TRIO: variants seen among roughly 807,000 people sequenced by gnomAD.
TRIO encodes trio Rho guanine nucleotide exchange factor.
TRIO carries 58 observed loss-of-function variants against 351.9 expected under a neutral mutation model. The observed-to-expected ratio is 0.16, with a 90% CI of 0.13 to 0.21. The LOEUF (loss-of-function observed/expected upper bound fraction) is 0.21. TRIO is among the 10% of genes least tolerant of loss of function. The pLI, the probability that TRIO is intolerant of heterozygous loss-of-function variation, is 1.00. For missense variants in TRIO, 3,201 were observed against 4,027.8 expected, an observed-to-expected ratio of 0.79 and a Z score of 5.56; for synonymous variants, 1,758 against 1,595.7, an observed-to-expected ratio of 1.10 and a Z score of -2.42.
intron 36 of TRIO, 72 bp downstream of exon 36, chr5:14,462,997 C>T (rs1753948470): frequency 2.1e-6 from 3 of 1,462,716 alleles, no homozygotes; most frequent in South Asian, 1.4e-5. Flanking sequence ...AGCTGCTTCA[C>T]ACCAGCCTCA....
chr5:14,497,402 A>G lies in TRIO; in HGVS notation c.8019+385A>G, dbSNP rs893155512. 6.6e-6 allele frequency among the ~76,000 whole-genome samples: 1 copy of G among 152,180 alleles called. No homozygotes were observed. The highest frequency in any genetic ancestry group is 1.5e-5 in the Non-Finnish European group (1 of 68,030). On this transcript the variant is annotated intron_variant, in intron 50 of 56. Transcript: ENST00000344204. This position sits in a 1 kb window ranked among gnomAD's most constrained non-coding sequence, Gnocchi z 4.4. ...GGGAAGTGGCTAGATGTGGGGGTGC[A>G]TATGGGCTCTCTGGCTGTGACAGAT... is the stretch of plus-strand genomic sequence containing the variant.
intron 11 of TRIO, among the ~76,000 whole-genome samples, chr5:14,355,044 T>C (rs538313609): frequency 1.3e-5 from 2 of 152,126 alleles, no homozygotes; most frequent in Non-Finnish European, 2.9e-5. Flanking sequence ...AGTTGGAAGG[T>C]GGGAGGCTGC....
intron 8 of TRIO, among the ~76,000 whole-genome samples, chr5:14,308,231 A>T (rs2152298736): frequency 6.6e-6 from 1 of 152,162 alleles, no homozygotes; most frequent in South Asian, 2.1e-4. Flanking sequence ...CCATTCACCC[A>T]TCCATCCGTC....
At chr5:14,310,742 G>A (rs941381559) in intron 8 of TRIO, among the ~76,000 whole-genome samples, 11 of 152,252 alleles carry the variant, frequency 7.2e-5, no homozygotes, top group Non-Finnish European at 1.6e-4. Context: ...CTGGAATGCA[G>A]TGGTGCGATT....
chr5:14,359,038 G>T (rs563389319), intron 12 of TRIO, among the ~76,000 whole-genome samples: 124 of 152,244 alleles, frequency 8.1e-4, no homozygotes, highest in African/African-American at 2.9e-3. Context: ...TACTAACCAG[G>T]TATCATCCAT....
intron 11 of TRIO, among the ~76,000 whole-genome samples, chr5:14,337,176 CGAATAAT>C (rs1561358317): frequency 5.9e-5 from 9 of 152,046 alleles, no homozygotes; most frequent in African/African-American, 1.9e-4. Context: ...CAACCTGGTA[CGAATAAT>C]ATTAAAGCTA....
chr5:14,369,829 A>G (rs1455414576), intron 18 of TRIO, among the ~76,000 whole-genome samples: 1 of 152,208 alleles, frequency 6.6e-6, no homozygotes. Context: ...GTGATTGATT[A>G]ATTTGGTGAA....
intron 29 of TRIO, among the ~76,000 whole-genome samples, chr5:14,398,469 C>G (rs76333977): frequency 0.012 from 1,790 of 152,112 alleles, 42 homozygotes; most frequent in African/African-American, 0.041. Flanking sequence ...CAGAGAGAAT[C>G]AAGACGGAGG....
In TRIO at chr5:14,205,795, C is replaced by T. The variant is rs1046148705; in HGVS notation, c.157+61913C>T. Among the ~76,000 whole-genome samples, 5 of 152,182 alleles carry T rather than the reference C, an allele frequency of 3.3e-5. 1 individual carries two copies. The highest frequency in any genetic ancestry group is 9.7e-5 in the African/African-American group (4 of 41,446). ...TCACCCGGGCTGGAGTGCAGTGGCA[C>T]GCTCTCTGCTCACTACAACTTCTGC... On this transcript the variant is annotated intron_variant, in intron 1 of 56. Transcript: ENST00000344204.
intron 41 of TRIO, among the ~76,000 whole-genome samples, chr5:14,478,414 C>T (rs1449097402): frequency 2.0e-5 from 3 of 152,176 alleles, no homozygotes; most frequent in Admixed American, 1.3e-4. Context: ...CAACTGACAT[C>T]TTAGTGGTAT....
chr5:14,157,253 C>T (rs1053962721), intron 1 of TRIO, among the ~76,000 whole-genome samples: 2 of 152,206 alleles, frequency 1.3e-5, no homozygotes, highest in Admixed American at 6.5e-5. Context: ...TTCAAAGCAG[C>T]TATGTTTCTG....
At chr5:14,392,908 C>T (rs560390336) in intron 27 of TRIO, among the ~76,000 whole-genome samples, 4 of 152,046 alleles carry the variant, frequency 2.6e-5, no homozygotes, top group East Asian at 3.9e-4. Flanking sequence ...ATTAGCCGAG[C>T]GTGGTGGCGG....
intron 41 of TRIO, among the ~76,000 whole-genome samples, chr5:14,478,471 G>A (rs145028491): frequency 3.3e-5 from 5 of 152,206 alleles, no homozygotes; most frequent in African/African-American, 9.6e-5. Context: ...GGACTCAGGG[G>A]GCCCTGGGGG....
chr5:14,491,051 C>A (rs1756446689), intron 48 of TRIO, among the ~76,000 whole-genome samples: 1 of 151,730 alleles, frequency 6.6e-6, no homozygotes, highest in Non-Finnish European at 1.5e-5. Flanking sequence ...ACGGCAGAGA[C>A]AAAGAACAGG....
chr5:14,507,039 T>A (rs1757737552), intron 55 of TRIO, 83 bp from the exon 56 acceptor site: 1 of 1,469,786 alleles, frequency 6.8e-7, no homozygotes, highest in South Asian at 1.5e-5. Context: ...AGGTGACAGG[T>A]CCGACATGTT....
At chr5:14,358,399 A>G in intron 12 of TRIO, 52 bp downstream of exon 12, 3 of 1,592,188 alleles carry the variant, frequency 1.9e-6, no homozygotes, top group South Asian at 1.1e-5. Context: ...CCTGCCTGTG[A>G]CTCCCCTTCC....
chr5:14,291,711 C>T (rs535533789), intron 5 of TRIO, among the ~76,000 whole-genome samples: 2 of 146,684 alleles, frequency 1.4e-5, no homozygotes, highest in African/African-American at 5.1e-5. Context: ...ATCGCTTGAA[C>T]CCATGAGGCA....
chr5:14,163,390 T>C (rs1483590659), intron 1 of TRIO, among the ~76,000 whole-genome samples: 1 of 152,198 alleles, frequency 6.6e-6, no homozygotes, highest in African/African-American at 2.4e-5. Flanking sequence ...ATGGTGTAAA[T>C]TTTGTATTTT....
chr5:14,488,324 C>G (rs750177725), intron 48 of TRIO, 64 bp downstream of exon 48: 3 of 1,502,956 alleles, frequency 2.0e-6, no homozygotes, highest in Middle Eastern at 1.8e-4. Context: ...GCTCTAAACG[C>G]CACCGCGGCT....
Sources: allele counts gnomAD v4.1 joint callset (sites outside exome capture counted in the v4.1 genomes callset), GRCh38; gene constraint gnomAD v4.1.1; non-coding constraint Gnocchi (gnomAD v3.1); transcripts MANE v1.5; gene names NCBI Gene and HGNC (gene_info 2026-07-23, HGNC 2026-07-21).